The following PRAMEF12 variants were observed in gnomAD, a reference collection of about 807,000 sequenced individuals.
The protein encoded by PRAMEF12 is PRAME family member 12.
Under a neutral mutation model 24.6 loss-of-function variants are expected in PRAMEF12, and 24 were observed. The ratio of observed to expected loss-of-function variants is 0.98; its 90% CI spans 0.71 to 1.37. The LOEUF (loss-of-function observed/expected upper bound fraction) is 1.37, where lower values mean the gene tolerates loss of function less well. PRAMEF12 is among the 40% of genes most tolerant of loss of function. The pLI is 0.00. For synonymous variants in PRAMEF12, 286 were observed against 242.6 expected, an observed-to-expected ratio of 1.18 and a Z score of -1.66; for missense variants, 646 against 580.3, an observed-to-expected ratio of 1.11 and a Z score of -1.16.
rs751549144 is a variant in PRAMEF12 at position 12,775,695 on chromosome 1, T to C, written c.440T>C (p.Val147Ala). Residue 147 changes from valine (V) to alanine (A), a missense_variant, in exon 2 of 3, where the codon GTG becomes GCG. Physicochemically the swap from Val to Ala is moderately conservative, Grantham distance 64. Transcript: ENST00000357726. The stretch of plus-strand genomic sequence containing the variant: ...CCGGGTGGGCAGCAGCCCTTGATGG[T>C]GATCCTAGACCTTTGCTTCAAGAAT... ...PRPGGQQPLM[V>A]ILDLCFKNGT... The C allele has an allele frequency of 1.6e-5, 26 of 1,613,742 alleles. No homozygotes were observed. The highest frequency in any genetic ancestry group is 2.1e-5 in the Non-Finnish European group (25 of 1,179,972).
At chr1:12,775,246 C>A (rs561616238) in intron 1 of PRAMEF12, 92 bp downstream of exon 1, 35 of 1,404,254 alleles carry the variant, frequency 2.5e-5, no homozygotes, top group Non-Finnish European at 3.3e-5. Flanking sequence ...AAGGGTGGCC[C>A]AGAGACTTCT....
exon 3 of PRAMEF12, chr1:12,777,895 GCTGAGTGGAAACTGTCTGGTGTCCT>G: frequency 7.8e-6 from 3 of 386,354 alleles, no homozygotes; most frequent in Non-Finnish European, 1.4e-5. Context: ...ATAAAGGGAA[GCTGAGTGGAAACTGTCTGGTGTCCT>G]CCATGATTGC....
rs1218096962 is a variant in PRAMEF12 at position 12,775,799 on chromosome 1, G to A, written c.544G>A (p.Glu182Lys). The A allele has an allele frequency of 1.2e-5, 19 of 1,613,794 alleles. No homozygotes were observed. Among genetic ancestry groups the A allele is most frequent in the Non-Finnish European group, 1.6e-5 (19 of 1,180,022 alleles). Residue 182 changes from glutamate (E) to lysine (K), a missense_variant, in exon 2 of 3, where the codon GAG (glutamate) becomes AAG (lysine). Transcript: ENST00000357726. ...RKGLLHVCCK[E>K]LQIFGIAIHR... is the part of the protein sequence containing the mutation. ...AGGCTTACTGCACGTGTGTTGCAAG[G>A]AGCTGCAGATTTTTGGAATAGCCAT...
At position 12,777,869 on chromosome 1, in the gene PRAMEF12, AAAGAAACAGTCAGAAATAAAGGG is replaced by A. The variant is rs530096225; in HGVS notation, c.*274_*296del. 473 of 472,654 alleles carry A rather than the reference AAAGAAACAGTCAGAAATAAAGGG, an allele frequency of 1.0e-3. 5 individuals are homozygous for A. The highest frequency in any genetic ancestry group is 6.5e-3 in the South Asian group (223 of 34,336). 29.3% of individuals were successfully genotyped at this position (472,654 alleles called of 1,614,324 possible). A position where few individuals can be genotyped will look rare whatever the true frequency, so the allele number is the denominator to read the frequency against. ...CAGTTACCCCTGCACGGATGGTTGT[AAAGAAACAGTCAGAAATAAAGGG>A]AAGCTGAGTGGAAACTGTCTGGTGT... is the stretch of plus-strand genomic sequence containing the variant. On this transcript the variant is annotated 3_prime_UTR_variant, in exon 3 of 3. Transcript: ENST00000357726.
chr1:12,774,728 G>A lies in PRAMEF12; in HGVS notation c.-140G>A. On this transcript the variant is annotated 5_prime_UTR_variant, in exon 1 of 3. It adds an upstream start codon to the 5' untranslated region. Transcript: ENST00000357726. ...CCAGCAAGGGCAGAATTACAGATTT[G>A]TGTCCAGAAAGTGCAGAGTGGAATT... is the stretch of plus-strand genomic sequence containing the variant. The A allele has an allele frequency of 1.3e-6, 1 of 775,772 alleles. No individual in the cohort carries two copies. Among genetic ancestry groups the A allele is most frequent in the East Asian group, 2.7e-5 (1 of 37,188 alleles). 48.1% of individuals were successfully genotyped at this position (775,772 alleles called of 1,614,324 possible).
At position 12,776,083 on chromosome 1, in the gene PRAMEF12, C is replaced by G; in HGVS notation, c.828C>G (p.Val276=). 1 of 1,614,210 alleles carries G rather than the reference C, an allele frequency of 6.2e-7. No individual in the cohort carries two copies. The highest frequency in any genetic ancestry group is 1.1e-5 in the South Asian group (1 of 91,078). Residue 276 remains valine, a synonymous_variant, in exon 2 of 3, where the codon GTC becomes GTG. Coordinates refer to ENST00000357726, the MANE Select transcript of PRAMEF12 (RefSeq NM_001080830.5). ...DYFQKLYMHS[V]SFLEGHLDQL... Reference sequence around the variant, plus strand: ...TCCAGAAGCTTTACATGCACTCTGTCTCTTTCCTCGAAGGCCACCTGGACC... The same window carrying G: ...TCCAGAAGCTTTACATGCACTCTGTGTCTTTCCTCGAAGGCCACCTGGACC...
chr1:12,775,705 C>G lies in PRAMEF12; in HGVS notation c.450C>G (p.Asp150Glu). The G allele has an allele frequency of 6.2e-7, 1 of 1,613,808 alleles. No individual in the cohort carries two copies. The highest frequency in any genetic ancestry group is 8.5e-7 in the Non-Finnish European group (1 of 1,179,998). Residue 150 changes from aspartate (D) to glutamate (E), a missense_variant, in exon 2 of 3, where the codon GAC (aspartate) becomes GAG (glutamate). Asp to Glu is a conservative substitution (Grantham distance 45). Transcript: ENST00000357726. The stretch of plus-strand genomic sequence containing the variant: ...AGCAGCCCTTGATGGTGATCCTAGA[C>G]CTTTGCTTCAAGAATGGGACGCTGG... The part of the protein sequence containing the change: ...GGQQPLMVIL[D>E]LCFKNGTLDE...
chr1:12,775,608 G>C lies in PRAMEF12; in HGVS notation c.353G>C (p.Gly118Ala), dbSNP rs752563666. The C allele has an allele frequency of 7.4e-6, 12 of 1,613,990 alleles. No individual in the cohort carries two copies. In the Admixed American group the frequency reaches 2.0e-4, roughly 27 times the overall value. Residue 118 changes from glycine to alanine, a missense_variant, in exon 2 of 3, where the codon GGA (glycine) becomes GCA (alanine). Gly to Ala is a moderately conservative substitution (Grantham distance 60). Transcript: ENST00000357726. The part of the protein sequence containing the change: ...VDENFWGIWS[G>A]ASALSPEALS... Reference sequence around the variant, plus strand: ...GAGAACTTCTGGGGCATATGGTCTGGAGCTTCTGCACTCTCCCCAGAGGCC... The same window carrying C: ...GAGAACTTCTGGGGCATATGGTCTGCAGCTTCTGCACTCTCCCCAGAGGCC...
At chr1:12,775,228 G>A in intron 1 of PRAMEF12, 74 bp downstream of exon 1, 1 of 1,495,734 alleles carries the variant, frequency 6.7e-7, no homozygotes, top group Admixed American at 2.1e-5. Flanking sequence ...AGAAGGAGTG[G>A]GAGGCCCAAG....
In PRAMEF12 at chr1:12,777,602, C is replaced by G; in HGVS notation, c.*3C>G. 3 of 1,614,060 alleles carry G rather than the reference C, an allele frequency of 1.9e-6. No individual in the cohort carries two copies. The South Asian group carries it at 3.3e-5, about 18-fold the overall frequency. On this transcript the variant is annotated 3_prime_UTR_variant, in exon 3 of 3. Coordinates refer to ENST00000357726, the MANE Select transcript of PRAMEF12 (RefSeq NM_001080830.5). ...GCTGTCAGGGTGGATTTATTTAAAG[C>G]TTTCTTCTGGTCATTTGGCAACTGA... is the stretch of plus-strand genomic sequence containing the variant.
rs1639081106 is a variant in PRAMEF12, at chr1:12,777,846, G to C, written c.*247G>C. ...TCAGGTAGGAGAGACACATGAGACA[G>C]TTACCCCTGCACGGATGGTTGTAAA... On this transcript the variant is annotated 3_prime_UTR_variant, in exon 3 of 3. Coordinates refer to ENST00000357726, the MANE Select transcript of PRAMEF12 (RefSeq NM_001080830.5). 5 of 561,974 alleles carry C rather than the reference G, an allele frequency of 8.9e-6. No homozygotes were observed. Among genetic ancestry groups the C allele is most frequent in the African/African-American group, 1.9e-5 (1 of 53,208 alleles). The allele number at this position is 561,974 out of a possible 1,614,324, so 34.8% of individuals were successfully genotyped here.
At position 12,776,124 on chromosome 1, in the gene PRAMEF12, G is replaced by A; in HGVS notation, c.863+6G>A. ...CACCTGGACCAGCTGCTCAGGTGAG[G>A]AAGTATGGTGAGCTTTCTCTGCAGA... On this transcript the variant is annotated splice_donor_region_variant and intron_variant, in intron 2 of 2. Coordinates refer to ENST00000357726, the MANE Select transcript of PRAMEF12 (RefSeq NM_001080830.5). 6.2e-7 allele frequency: 1 copy of A among 1,611,764 alleles called. No homozygotes were observed. Among genetic ancestry groups the A allele is most frequent in the Non-Finnish European group, 8.5e-7 (1 of 1,177,842 alleles).
At position 12,773,858 on chromosome 1, in the gene PRAMEF12, A is replaced by G. The variant is rs1006460419; in HGVS notation, c.-1010A>G. On this transcript the variant is annotated 5_prime_UTR_variant, in exon 1 of 3. Coordinates refer to ENST00000357726, the MANE Select transcript of PRAMEF12 (RefSeq NM_001080830.5). ...TTAGGGTCATGCCCATCTGATCTGC[A>G]GCCAGCCAGCCAGTCAGGGATGGTG... Among the ~76,000 whole-genome samples the G allele has an allele frequency of 1.6e-4, 25 of 152,300 alleles. 1 individual carries two copies. The highest frequency in any genetic ancestry group is 5.3e-4 in the African/African-American group (22 of 41,566).
chr1:12,777,620 G>A lies in PRAMEF12; in HGVS notation c.*21G>A, dbSNP rs1483460758. On this transcript the variant is annotated 3_prime_UTR_variant, in exon 3 of 3. Transcript: ENST00000357726. ...TTTAAAGCTTTCTTCTGGTCATTTG[G>A]CAACTGAATCCTAGGCCATGAGTGT... 7.4e-6 allele frequency: 12 copies of A among 1,612,984 alleles called. No homozygotes were observed. The highest frequency in any genetic ancestry group is 9.3e-6 in the Non-Finnish European group (11 of 1,179,344).
Position 12,774,466 on chromosome 1 carries a change from T to C in PRAMEF12, c.-402T>C, listed in dbSNP as rs762709796. 7.9e-5 allele frequency among the ~76,000 whole-genome samples: 12 copies of C among 152,210 alleles called. No homozygotes were observed. Among genetic ancestry groups the C allele is most frequent in the Non-Finnish European group, 1.6e-4 (11 of 68,022 alleles). On this transcript the variant is annotated 5_prime_UTR_variant, in exon 1 of 3. An upstream start codon of the reference 5' UTR is lost. Transcript: ENST00000357726. ...GAGTCCCTTTAGTCTTCTGCAAGCA[T>C]GTCAATTGTGGGAACTGAGAATGTA...
chr1:12,776,894 C>A (rs1438295352), intron 2 of PRAMEF12, 117 bp from the exon 3 acceptor site: 15 of 1,087,924 alleles, frequency 1.4e-5, no homozygotes, highest in Admixed American at 2.2e-5. Context: ...CATTCCCACA[C>A]CCCAGGTGCT....
At position 12,774,852 on chromosome 1, in the gene PRAMEF12, C is replaced by G; in HGVS notation, c.-16C>G. 1.9e-6 allele frequency: 3 copies of G among 1,566,216 alleles called. No individual in the cohort carries two copies. Among genetic ancestry groups the G allele is most frequent in the Non-Finnish European group, 2.6e-6 (3 of 1,159,550 alleles). ...TTTGCCGTAAGAATGATGTTTTTTT[C>G]TCTAGATTCATCAGGATGAGCCTCC... On this transcript the variant is annotated 5_prime_UTR_variant, in exon 1 of 3. Transcript: ENST00000357726.
In PRAMEF12 at chr1:12,777,448, C is replaced by T; in HGVS notation, c.1301C>T (p.Ala434Val). ...LCWGRFSQLG[A>V]ELMKTLRDLR... ...TGGGGAAGATTTTCTCAACTTGGGGCTGAGCTGATGAAGACACTGAGGGAC... is the reference window on the plus strand; with the variant it reads ...TGGGGAAGATTTTCTCAACTTGGGGTTGAGCTGATGAAGACACTGAGGGAC... Residue 434 changes from alanine to valine, a missense_variant, in exon 3 of 3, where the codon GCT (alanine) becomes GTT (valine). Transcript: ENST00000357726. 1 of 1,614,070 alleles carries T rather than the reference C, an allele frequency of 6.2e-7. No individual in the cohort carries two copies. Among genetic ancestry groups the T allele is most frequent in the Non-Finnish European group, 8.5e-7 (1 of 1,179,982 alleles).
At chr1:12,775,510 A>C in intron 1 of PRAMEF12, 33 bp from the exon 2 acceptor site, 1 of 1,563,136 alleles carries the variant, frequency 6.4e-7, no homozygotes, top group Non-Finnish European at 8.7e-7. Flanking sequence ...AATCCTTCCT[A>C]AATTTGGAGC....
Sources: allele counts gnomAD v4.1 joint callset (sites outside exome capture counted in the v4.1 genomes callset), GRCh38; gene constraint gnomAD v4.1.1; transcripts MANE v1.5; gene names NCBI Gene and HGNC (gene_info 2026-07-23, HGNC 2026-07-21).